INCENP: variants seen among roughly 807,000 people sequenced by gnomAD.
INCENP encodes the protein binds and activates aurora-B and -C in vivo and in vitro.
In INCENP, 43 loss-of-function variants were observed where a neutral mutation model predicts 107.3. That is an observed-to-expected ratio of 0.40 (90% CI 0.31 to 0.52). The LOEUF (loss-of-function observed/expected upper bound fraction) is 0.52. Among genes scored for constraint, INCENP ranks in the 20% least tolerant of loss-of-function variants. The pLI is 0.53. For synonymous variants in INCENP, 488 were observed against 494.4 expected (o/e 0.99, Z 0.17); for missense variants, 1,089 against 1,250.9 (o/e 0.87, Z 1.95).
Position 62,128,194 on chromosome 11 carries a change from G to C in INCENP, c.33G>C (p.Leu11=). The C allele has an allele frequency of 6.2e-7, 1 of 1,614,206 alleles. No individual in the cohort carries two copies. The highest frequency in any genetic ancestry group is 8.5e-7 in the Non-Finnish European group (1 of 1,180,030). MGTTAPGPIH[L]LELCDQKLME... is the part of the protein sequence containing the mutation. ...CGACGGCCCCAGGGCCCATTCACCT[G>C]CTGGAGCTATGTGACCAGAAGCTCA... Residue 11 remains leucine, a synonymous_variant, in exon 2 of 19, where the codon CTG becomes CTC. Coordinates refer to ENST00000394818, the MANE Select transcript of INCENP (RefSeq NM_001040694.2).
At chr11:62,147,374 A>G (rs1303709759) in intron 15 of INCENP, among the ~76,000 whole-genome samples, 1 of 152,182 alleles carries the variant, frequency 6.6e-6, no homozygotes, top group African/African-American at 2.4e-5. Flanking sequence ...CCGTGGACCC[A>G]GGAGCCCTGG....
intron 15 of INCENP, among the ~76,000 whole-genome samples, chr11:62,147,663 C>T (rs1331611881): frequency 6.6e-6 from 1 of 152,118 alleles, no homozygotes; most frequent in African/African-American, 2.4e-5. Flanking sequence ...CCGGGCAGCA[C>T]GTTTTTTCCG....
chr11:62,149,592 G>T (rs183303800), intron 17 of INCENP, among the ~76,000 whole-genome samples: 1 of 152,266 alleles, frequency 6.6e-6, no homozygotes, highest in East Asian at 1.9e-4. Flanking sequence ...ATCAAAAAAG[G>T]AGATACAGAG....
rs1565101820 is a variant in INCENP, at chr11:62,146,822, G to GAGCAGGAGCGGCGC, written c.2124_2125insAGCAGGAGCGGCGC (p.Glu709SerfsTer87). Reference sequence around the variant, plus strand: ...AGGAGCGGCGCGAGCAGGAGCGGCGGGAGCAGGAGCGGCGCGAGCAGGAGC... The same window carrying GAGCAGGAGCGGCGC: ...AGGAGCGGCGCGAGCAGGAGCGGCGGAGCAGGAGCGGCGCGAGCAGGAGCGGCGCGAGCAGGAGC... On this transcript the variant is annotated frameshift_variant, in exon 15 of 19. Coordinates refer to ENST00000394818, the MANE Select transcript of INCENP (RefSeq NM_001040694.2). LOFTEE classifies it high-confidence loss of function. 10 of 1,526,276 alleles carry GAGCAGGAGCGGCGC rather than the reference G, an allele frequency of 6.6e-6. No homozygotes were observed. The Admixed American group carries it at 7.9e-5, about 12-fold the overall frequency. 94.5% of individuals were successfully genotyped at this position (1,526,276 alleles called of 1,614,324 possible).
chr11:62,129,674 C>G, intron 3 of INCENP, 108 bp from the exon 4 acceptor site: 2 of 899,078 alleles, frequency 2.2e-6, no homozygotes, highest in Non-Finnish European at 3.3e-6. Context: ...AGATCTTTTG[C>G]CTTCACCTTC....
intron 18 of INCENP, 38 bp from the exon 19 acceptor site, chr11:62,151,724 G>A (rs766090128): frequency 1.0e-5 from 16 of 1,569,636 alleles, no homozygotes; most frequent in East Asian, 2.2e-5. Context: ...GGTTCATGGA[G>A]AGCCCCAAGG....
chr11:62,128,023 G>A (rs1240944706), intron 1 of INCENP, 128 bp from the exon 2 acceptor site: 1 of 824,352 alleles, frequency 1.2e-6, no homozygotes, highest in African/African-American at 1.7e-5. Flanking sequence ...TGTGAGCAGA[G>A]AGGGGCCCTG....
At chr11:62,151,250 C>T (rs1275809417) in intron 18 of INCENP, among the ~76,000 whole-genome samples, 1 of 152,160 alleles carries the variant, frequency 6.6e-6, no homozygotes, top group Non-Finnish European at 1.5e-5. Flanking sequence ...CCTCCTGATC[C>T]CCTGGGTCTT....
intron 13 of INCENP, 108 bp downstream of exon 13, chr11:62,145,397 T>C: frequency 6.6e-7 from 1 of 1,506,102 alleles, no homozygotes. Context: ...TGTACCCATC[T>C]CCTGTCTGCC....
At position 62,137,031 on chromosome 11, in the gene INCENP, TCAGGTCCCCC is replaced by T. The variant is rs371475852; in HGVS notation, c.1064-798_1064-789del. The stretch of plus-strand genomic sequence containing the variant: ...CCTTTGTAAACTCCTCCAGGCCAGC[TCAGGTCCCCC>T]CATCATAGGCTTTTAAAATTCTCTG... On this transcript the variant is annotated intron_variant, in intron 4 of 18. Transcript: ENST00000394818. Among the ~76,000 whole-genome samples, 257 of 152,266 alleles carry T rather than the reference TCAGGTCCCCC, an allele frequency of 1.7e-3. 3 individuals carry two copies. The highest frequency in any genetic ancestry group is 5.9e-3 in the African/African-American group (246 of 41,558).
intron 1 of INCENP, among the ~76,000 whole-genome samples, chr11:62,124,890 A>G (rs749045097): frequency 1.3e-5 from 2 of 152,224 alleles, no homozygotes; most frequent in Non-Finnish European, 2.9e-5. Flanking sequence ...ATTAAATGAG[A>G]TGATGTCTGA....
intron 18 of INCENP, among the ~76,000 whole-genome samples, chr11:62,150,823 A>G (rs1257444010): frequency 6.6e-6 from 1 of 152,086 alleles, no homozygotes; most frequent in Non-Finnish European, 1.5e-5. Flanking sequence ...GCCAGAGTGG[A>G]TGGGGCCCGT....
At position 62,141,404 on chromosome 11, in the gene INCENP, C is replaced by T. The variant is rs562617665; in HGVS notation, c.1594-96C>T. On this transcript the variant is annotated intron_variant, in intron 10 of 18. Transcript: ENST00000394818. Reference sequence around the variant, plus strand: ...GCTGCTGGCAGGAGGGCAGGCCCCACGCAGGCTTGCTGGCACAGCTGGGCA... The same window carrying T: ...GCTGCTGGCAGGAGGGCAGGCCCCATGCAGGCTTGCTGGCACAGCTGGGCA... The T allele has an allele frequency of 5.0e-4, 768 of 1,521,874 alleles. 7 individuals carry two copies. In the South Asian group the frequency reaches 8.1e-3, roughly 16 times the overall value. The allele number at this position is 1,521,874 out of a possible 1,614,324, so 94.3% of individuals were successfully genotyped here. A position where few individuals can be genotyped will look rare whatever the true frequency, so the allele number is the denominator to read the frequency against.
At chr11:62,127,857 C>T (rs1467750137) in intron 1 of INCENP, among the ~76,000 whole-genome samples, 2 of 151,598 alleles carry the variant, frequency 1.3e-5, no homozygotes, top group African/African-American at 2.4e-5. Flanking sequence ...CTGTCAATGT[C>T]AGAATTGGTT....
chr11:62,135,543 C>T (rs957664931), intron 4 of INCENP, among the ~76,000 whole-genome samples: 1 of 152,068 alleles, frequency 6.6e-6, no homozygotes, highest in Non-Finnish European at 1.5e-5. Flanking sequence ...GGATTACAGG[C>T]GTGAGCCACC....
chr11:62,145,592 G>T (rs750150324), intron 13 of INCENP, 37 bp from the exon 14 acceptor site: 39 of 1,575,762 alleles, frequency 2.5e-5, no homozygotes, highest in Non-Finnish European at 3.4e-5. Context: ...GATTGAATGT[G>T]GGTGCTCCAA....
At chr11:62,139,251 G>A (rs1467441183) in intron 7 of INCENP, among the ~76,000 whole-genome samples, 1 of 152,162 alleles carries the variant, frequency 6.6e-6, no homozygotes, top group Non-Finnish European at 1.5e-5. Flanking sequence ...AGCAGAGGAA[G>A]GGGCTGCATC....
intron 1 of INCENP, among the ~76,000 whole-genome samples, chr11:62,127,581 A>G (rs976231278): frequency 2.6e-5 from 4 of 152,166 alleles, no homozygotes; most frequent in Middle Eastern, 3.2e-3. Flanking sequence ...ATTCCTTTGG[A>G]ACACAGAATC....
chr11:62,151,688 G>A, intron 18 of INCENP, 74 bp from the exon 19 acceptor site: 1 of 1,282,720 alleles, frequency 7.8e-7, no homozygotes, highest in Non-Finnish European at 1.1e-6. Context: ...GGGTGACAGG[G>A]CTCTGTGGTG....
Sources: allele counts gnomAD v4.1 joint callset (sites outside exome capture counted in the v4.1 genomes callset), GRCh38; gene constraint gnomAD v4.1.1; transcripts MANE v1.5; gene names NCBI Gene and HGNC (gene_info 2026-07-23, HGNC 2026-07-21).